PHF3: variants seen among roughly 807,000 people sequenced by gnomAD.
PHF3 encodes PHD finger protein 3.
Under a neutral mutation model 178.4 loss-of-function variants are expected in PHF3, and 41 were observed. The observed-to-expected ratio is 0.23, with a 90% confidence interval of 0.18 to 0.30. PHF3 has a LOEUF of 0.30. Among genes scored for constraint, PHF3 ranks in the 10% least tolerant of loss-of-function variants. The probability of loss-of-function intolerance (pLI) is 1.00; values close to 1 mark genes in which losing one functional copy is unlikely to be tolerated. For synonymous variants in PHF3, 842 were observed against 800.5 expected (o/e 1.05, Z -0.88); for missense variants, 2,346 against 2,398.1 (o/e 0.98, Z 0.45).
rs142508688 is a variant in PHF3 at position 63,675,088 on chromosome 6, A to G, written c.245-4912A>G. Among the ~76,000 whole-genome samples, 101 of 152,284 alleles carry G rather than the reference A, an allele frequency of 6.6e-4. 1 individual carries two copies. In the East Asian group the frequency reaches 0.015, roughly 23 times the overall value. On this transcript the variant is annotated intron_variant, in intron 2 of 15. Transcript: ENST00000262043. ...AGGTCAGGAGGACTTCACTTAAGCAAGTTTAATTAGGGCAATTTGGGGTTG... is the reference window on the plus strand; with the variant it reads ...AGGTCAGGAGGACTTCACTTAAGCAGGTTTAATTAGGGCAATTTGGGGTTG...
intron 2 of PHF3, among the ~76,000 whole-genome samples, chr6:63,661,523 T>TA (rs1582026920): frequency 1.3e-5 from 2 of 152,140 alleles, no homozygotes; most frequent in African/African-American, 2.4e-5. Context: ...CAGTGTGATA[T>TA]AAAAAAATCT....
chr6:63,700,995 T>C (rs1030476895), intron 9 of PHF3, among the ~76,000 whole-genome samples: 16 of 152,204 alleles, frequency 1.1e-4, no homozygotes, highest in African/African-American at 3.9e-4. Context: ...TACCTTGTGT[T>C]TTATTATAGT....
In PHF3 at chr6:63,721,135, T is replaced by C. The variant is rs1364009251; in HGVS notation, c.*7427T>C. 2 of 1,551,456 alleles carry C rather than the reference T, an allele frequency of 1.3e-6. No individual in the cohort carries two copies. Among genetic ancestry groups the C allele is most frequent in the Non-Finnish European group, 1.7e-6 (2 of 1,146,736 alleles). ...ATTCTATAATTTGGATCAATGTATTTAATGTAAGAATTACCCATAAATTTT... is the reference window on the plus strand; with the variant it reads ...ATTCTATAATTTGGATCAATGTATTCAATGTAAGAATTACCCATAAATTTT... On this transcript the variant is annotated 3_prime_UTR_variant, in exon 16 of 16. Coordinates refer to ENST00000262043, the MANE Select transcript of PHF3 (RefSeq NM_001370348.2).
Position 63,712,440 on chromosome 6 carries a change from T to A in PHF3, c.4852T>A (p.Ser1618Thr), listed in dbSNP as rs769698187. 1 of 1,613,966 alleles carries A rather than the reference T, an allele frequency of 6.2e-7. No homozygotes were observed. Among genetic ancestry groups the A allele is most frequent in the East Asian group, 2.2e-5 (1 of 44,852 alleles). Residue 1618 changes from serine to threonine, a missense_variant, in exon 16 of 16, where the codon TCT becomes ACT. By Grantham distance (58) the Ser-to-Thr change is moderately conservative (BLOSUM62 1). This residue lies in a region of PHF3 where 839 missense variants were observed against 806.9 expected (regional missense o/e 1.04). Transcript: ENST00000262043. ...NQTSNSSPCR[S>T]NVGKGNIDGN... ...GACTTCAAATAGTTCTCCATGCAGA[T>A]CTAATGTAGGAAAAGGAAACATAGA...
chr6:63,720,806 GTTTT>G lies in PHF3; in HGVS notation c.*7100_*7103del. 1.3e-6 allele frequency: 2 copies of G among 1,550,906 alleles called. No homozygotes were observed. Among genetic ancestry groups the G allele is most frequent in the Non-Finnish European group, 1.7e-6 (2 of 1,146,458 alleles). On this transcript the variant is annotated 3_prime_UTR_variant, in exon 16 of 16. Coordinates refer to ENST00000262043, the MANE Select transcript of PHF3 (RefSeq NM_001370348.2). ...TGCCATCATAGTTTAGAGCCACAAA[GTTTT>G]TATGTGGATCAATATCCTCGGAAAG...
Position 63,720,726 on chromosome 6 carries a change from T to C in PHF3, c.*7018T>C. Reference sequence around the variant, plus strand: ...GCCAACAAAATTGGTTTTAAAAATCTCTTGAGTAACGATATTTACCTTTCT... The same window carrying C: ...GCCAACAAAATTGGTTTTAAAAATCCCTTGAGTAACGATATTTACCTTTCT... On this transcript the variant is annotated 3_prime_UTR_variant, in exon 16 of 16. Coordinates refer to ENST00000262043, the MANE Select transcript of PHF3 (RefSeq NM_001370348.2). The C allele has an allele frequency of 1.7e-5, 26 of 1,549,380 alleles. No individual in the cohort carries two copies. Among genetic ancestry groups the C allele is most frequent in the Non-Finnish European group, 2.3e-5 (26 of 1,146,100 alleles).
At position 63,660,730 on chromosome 6, in the gene PHF3, G is replaced by A. The variant is rs189889417; in HGVS notation, c.244+13935G>A. 2.9e-3 allele frequency among the ~76,000 whole-genome samples: 438 copies of A among 152,172 alleles called. 5 individuals carry two copies. The highest frequency in any genetic ancestry group is 0.01 in the African/African-American group (425 of 41,520). On this transcript the variant is annotated intron_variant, in intron 2 of 15. Coordinates refer to ENST00000262043, the MANE Select transcript of PHF3 (RefSeq NM_001370348.2). ...GCAAGGTCCTGACCACTCTTTTCCT[G>A]GACCATTTCTCAGGGTCATAATTGC...
intron 4 of PHF3, among the ~76,000 whole-genome samples, chr6:63,689,993 A>G (rs1028447659): frequency 2.6e-5 from 4 of 152,294 alleles, no homozygotes; most frequent in African/African-American, 7.2e-5. Flanking sequence ...AATAGCAGTT[A>G]GCCCATTGTT....
At chr6:63,686,150 A>C (rs570623852) in intron 4 of PHF3, 14 of 478,586 alleles carry the variant, frequency 2.9e-5, no homozygotes, top group Non-Finnish European at 4.4e-5. Flanking sequence ...CATACATGGA[A>C]ATATTTTGTC....
chr6:63,695,831 T>TA (rs763294488), intron 6 of PHF3, among the ~76,000 whole-genome samples: 1 of 152,170 alleles, frequency 6.6e-6, no homozygotes, highest in Non-Finnish European at 1.5e-5. Context: ...GTGAAGGAAA[T>TA]AGAGTCTGAG....
At position 63,684,439 on chromosome 6, in the gene PHF3, G is replaced by C. The variant is rs777539925; in HGVS notation, c.717G>C (p.Lys239Asn). The stretch of plus-strand genomic sequence containing the variant: ...AAGATGGATTAGATTCTAAGCATAA[G>C]TGTAATAATCCGGGAGAAATAGATG... Reference protein sequence around the residue: ...KDEDGLDSKHKCNNPGEIDVP... With the variant: ...KDEDGLDSKHNCNNPGEIDVP... The change falls in exon 4 of 16, where the codon AAG (lysine) becomes AAC (asparagine). Residue 239 changes from lysine (K) to asparagine (N), a missense_variant. Lys to Asn is a moderately conservative substitution (Grantham distance 94, BLOSUM62 0). Coordinates refer to ENST00000262043, the MANE Select transcript of PHF3 (RefSeq NM_001370348.2). 2 of 1,613,884 alleles carry C rather than the reference G, an allele frequency of 1.2e-6. No homozygotes were observed. The highest frequency in any genetic ancestry group is 1.7e-6 in the Non-Finnish European group (2 of 1,179,876).
chr6:63,667,586 T>TA (rs1234147183), intron 2 of PHF3, among the ~76,000 whole-genome samples: 1 of 152,220 alleles, frequency 6.6e-6, no homozygotes, highest in Non-Finnish European at 1.5e-5. Flanking sequence ...TATCATCTAA[T>TA]ATCCTGTCCA....
At chr6:63,649,051 A>T (rs1764908974) in intron 2 of PHF3, among the ~76,000 whole-genome samples, 1 of 151,878 alleles carries the variant, frequency 6.6e-6, no homozygotes, top group African/African-American at 2.4e-5. Context: ...TTTTTGTTAG[A>T]TTTAAGAGAT....
At chr6:63,657,285 A>G (rs1046307318) in intron 2 of PHF3, among the ~76,000 whole-genome samples, 2 of 152,128 alleles carry the variant, frequency 1.3e-5, no homozygotes, top group African/African-American at 4.8e-5. Flanking sequence ...TCTCAAAGGG[A>G]TATACAGTAG....
intron 2 of PHF3, among the ~76,000 whole-genome samples, chr6:63,653,251 G>A (rs1436423215): frequency 6.6e-6 from 1 of 151,176 alleles, no homozygotes; most frequent in Non-Finnish European, 1.5e-5. Context: ...ATTTTGGTAG[G>A]CATTGCATTG....
rs1453170734 is a variant in PHF3, at chr6:63,684,749, G to C, written c.1027G>C (p.Asp343His). The C allele has an allele frequency of 1.2e-6, 2 of 1,613,868 alleles. No individual in the cohort carries two copies. The highest frequency in any genetic ancestry group is 1.7e-6 in the Non-Finnish European group (2 of 1,179,896). Residue 343 changes from aspartate (D) to histidine (H), a missense_variant, in exon 4 of 16, where the codon GAT (aspartate) becomes CAT (histidine). By Grantham distance (81) the Asp-to-His change is moderately conservative (BLOSUM62 -1). Coordinates refer to ENST00000262043, the MANE Select transcript of PHF3 (RefSeq NM_001370348.2). The stretch of plus-strand genomic sequence containing the variant: ...TATTCTTGAGGACGCTGGATCTTCT[G>C]ATATTTCTAGTGATGCTGCTTGTAC... ...DHILEDAGSS[D>H]ISSDAACTNP...
At chr6:63,676,237 G>A (rs1220134039) in intron 2 of PHF3, among the ~76,000 whole-genome samples, 1 of 152,136 alleles carries the variant, frequency 6.6e-6, no homozygotes, top group Non-Finnish European at 1.5e-5. Flanking sequence ...TATACACAAG[G>A]TTGTTATTCT....
intron 4 of PHF3, 128 bp from the exon 5 acceptor site, chr6:63,691,609 C>T (rs1057498868): frequency 2.0e-5 from 15 of 754,366 alleles, no homozygotes; most frequent in South Asian, 9.6e-5. Context: ...ACTTATGGAA[C>T]GGATAGAGAT....
Position 63,711,721 on chromosome 6 carries a change from C to T in PHF3, c.4133C>T (p.Pro1378Leu), listed in dbSNP as rs1035761077. The change falls in exon 16 of 16, where the codon CCT (proline) becomes CTT (leucine). Residue 1378 changes from proline to leucine, a missense_variant. By Grantham distance (98) the Pro-to-Leu change is moderately conservative. Coordinates refer to ENST00000262043, the MANE Select transcript of PHF3 (RefSeq NM_001370348.2). ...AGTGCACCACCAATAGCATTGCCAC[C>T]TGATAAAAAAAGTAAAATAGAAGTT... is the stretch of plus-strand genomic sequence containing the variant. ...PESAPPIALP[P>L]DKKSKIEVST... 7 of 1,613,732 alleles carry T rather than the reference C, an allele frequency of 4.3e-6. No individual in the cohort carries two copies. The highest frequency in any genetic ancestry group is 5.9e-6 in the Non-Finnish European group (7 of 1,179,918).
Sources: gnomAD v4.1 joint callset for allele counts (sites outside exome capture counted in the v4.1 genomes callset) on GRCh38, gnomAD v4.1.1 for gene constraint, gnomAD v4.1.1 regional missense constraint, MANE v1.5 for transcripts, NCBI Gene and HGNC (gene_info 2026-07-23, HGNC 2026-07-21) for gene names.